Variants in RCN1 observed in about 807,000 individuals in gnomAD.
RCN1 encodes the protein reticulocalbin-1.
A neutral mutation model predicts 34.7 loss-of-function variants in RCN1; 14 were observed. The observed-to-expected ratio is 0.40, with a 90% CI of 0.27 to 0.63. The LOEUF is 0.63. RCN1 is among the 30% of genes least tolerant of loss of function. The probability of loss-of-function intolerance (pLI) is 0.37; values close to 1 mark genes in which losing one functional copy is unlikely to be tolerated. For synonymous variants in RCN1, 125 were observed against 165.5 expected (o/e 0.76, Z 1.88); for missense variants, 326 against 425.1 (o/e 0.77, Z 2.05).
intron 5 of RCN1, among the ~76,000 whole-genome samples, chr11:32,104,160 G>A (rs186698952): frequency 5.3e-5 from 8 of 152,298 alleles, no homozygotes; most frequent in Admixed American, 3.3e-4. Context: ...TCCCTGACAC[G>A]TTAGCACGGT....
At chr11:32,093,530 A>C (rs1165445577) in intron 1 of RCN1, among the ~76,000 whole-genome samples, 1 of 152,130 alleles carries the variant, frequency 6.6e-6, no homozygotes, top group Non-Finnish European at 1.5e-5. Flanking sequence ...TCACCTGATC[A>C]GAGTTTGTAG....
At chr11:32,091,577 C>G (rs955893278) in intron 1 of RCN1, 127 bp downstream of exon 1, 1 of 1,242,822 alleles carries the variant, frequency 8.0e-7, no homozygotes, top group Non-Finnish European at 1.1e-6. Context: ...AGGATGGGGC[C>G]CTGCCCAACT....
At chr11:32,103,868 T>C (rs1852076596) in intron 5 of RCN1, among the ~76,000 whole-genome samples, 1 of 152,252 alleles carries the variant, frequency 6.6e-6, no homozygotes, top group African/African-American at 2.4e-5. Flanking sequence ...GCCCATCCCA[T>C]TAAAGCCCAG....
At chr11:32,092,266 C>T (rs1565349329) in intron 1 of RCN1, among the ~76,000 whole-genome samples, 2 of 152,104 alleles carry the variant, frequency 1.3e-5, no homozygotes, top group African/African-American at 2.4e-5. Context: ...GAGATTGCGC[C>T]ACTGCACTCC....
At chr11:32,099,568 T>C (rs920238943) in intron 3 of RCN1, among the ~76,000 whole-genome samples, 2 of 152,208 alleles carry the variant, frequency 1.3e-5, no homozygotes, top group African/African-American at 4.8e-5. Flanking sequence ...GGCCTCAGAA[T>C]GTAGTTGCTT....
intron 2 of RCN1, among the ~76,000 whole-genome samples, chr11:32,097,598 T>G (rs760811588): frequency 6.6e-6 from 1 of 152,170 alleles, no homozygotes; most frequent in Non-Finnish European, 1.5e-5. Flanking sequence ...CAACTTCGTC[T>G]CAGATGCACA....
chr11:32,091,889 A>G (rs1851925928), intron 1 of RCN1: 1 of 185,486 alleles, frequency 5.4e-6, no homozygotes, highest in African/African-American at 2.4e-5. Flanking sequence ...CTCGCTAAGA[A>G]AATCTCAGGG....
At chr11:32,092,004 A>G (rs368926712) in intron 1 of RCN1, among the ~76,000 whole-genome samples, 3 of 152,178 alleles carry the variant, frequency 2.0e-5, no homozygotes, top group East Asian at 1.9e-4. Flanking sequence ...CTGTAAATCT[A>G]TCGTAAGGAG....
At chr11:32,095,502 G>A (rs1851963458) in intron 1 of RCN1, among the ~76,000 whole-genome samples, 1 of 152,120 alleles carries the variant, frequency 6.6e-6, no homozygotes, top group South Asian at 2.1e-4. Context: ...CAGCTTCCCA[G>A]GTTCACGCCA....
chr11:32,102,827 G>GAA (rs1852061386), intron 4 of RCN1: 2 of 325,522 alleles, frequency 6.1e-6, no homozygotes, highest in Non-Finnish European at 5.9e-6. Flanking sequence ...AAAATCAAAT[G>GAA]AAAACTGTGT....
At position 32,103,461 on chromosome 11, in the gene RCN1, A is replaced by G. The variant is rs757088208; in HGVS notation, c.869A>G (p.Tyr290Cys). The change falls in exon 5 of 6, where the codon TAT becomes TGT. Residue 290 changes from tyrosine to cysteine, a missense_variant. Coordinates refer to ENST00000054950, the MANE Select transcript of RCN1 (RefSeq NM_002901.4). ...HAQAEARHLVYESDKNKDEKL... is the reference protein window; with the variant it reads ...HAQAEARHLVCESDKNKDEKL... ...CAGGCTGAGGCCAGGCATCTGGTATATGAATCAGACAAAAACAAGGTATTT... is the reference window on the plus strand; with the variant it reads ...CAGGCTGAGGCCAGGCATCTGGTATGTGAATCAGACAAAAACAAGGTATTT... The G allele has an allele frequency of 1.2e-6, 2 of 1,613,846 alleles. No homozygotes were observed. The highest frequency in any genetic ancestry group is 2.2e-5 in the East Asian group (1 of 44,888).
rs565186231 is a variant in RCN1, at chr11:32,098,132, A to T, written c.449-218A>T. On this transcript the variant is annotated intron_variant, in intron 2 of 5. Coordinates refer to ENST00000054950, the MANE Select transcript of RCN1 (RefSeq NM_002901.4). The stretch of plus-strand genomic sequence containing the variant: ...AAAGCCTGCGCTCTTAACCACTTGC[A>T]GTAATTCCCCTAATATGCCATGAGG... Among the ~76,000 whole-genome samples the T allele has an allele frequency of 5.9e-5, 9 of 152,354 alleles. No homozygotes were observed. The East Asian group carries it at 1.7e-3, about 29-fold the overall frequency.
intron 4 of RCN1, 49 bp from the exon 5 acceptor site, chr11:32,103,232 G>C (rs1016645504): frequency 6.3e-7 from 1 of 1,578,998 alleles, no homozygotes; most frequent in Admixed American, 1.7e-5. Flanking sequence ...GGTGGGGGAG[G>C]TTTACCTTCC....
At chr11:32,091,526 A>G (rs1851921675) in intron 1 of RCN1, 76 bp downstream of exon 1, 1 of 1,492,506 alleles carries the variant, frequency 6.7e-7, no homozygotes, top group Non-Finnish European at 8.9e-7. Flanking sequence ...CACGCGGGAT[A>G]CCACCGCCAA....
At chr11:32,091,693 C>T (rs1851923717) in intron 1 of RCN1, 1 of 488,772 alleles carries the variant, frequency 2.0e-6, no homozygotes, top group Non-Finnish European at 3.5e-6. Context: ...GAGGCGAGAA[C>T]GTGGCAGCGG....
Position 32,091,176 on chromosome 11 carries a change from G to T in RCN1, c.-21G>T. ...GTCGCTCGCTCAGCGTCTCCCTCTC[G>T]GCCGCCCTCTCCTCGGGACGATGGC... On this transcript the variant is annotated 5_prime_UTR_variant, in exon 1 of 6. Coordinates refer to ENST00000054950, the MANE Select transcript of RCN1 (RefSeq NM_002901.4). 7.1e-7 allele frequency: 1 copy of T among 1,402,466 alleles called. No homozygotes were observed. Among genetic ancestry groups the T allele is most frequent in the Non-Finnish European group, 9.2e-7 (1 of 1,084,838 alleles). 86.9% of individuals were successfully genotyped at this position (1,402,466 alleles called of 1,614,324 possible). A position where few individuals can be genotyped will look rare whatever the true frequency, so the allele number is the denominator to read the frequency against.
At position 32,103,351 on chromosome 11, in the gene RCN1, C is replaced by T. The variant is rs368024472; in HGVS notation, c.759C>T (p.Asn253=). ...TTTTATCAGAACGGGAGCAGTTTAA[C>T]GAATTCCGGGATCTGAACAAGGACG... ...DWVLSEREQF[N]EFRDLNKDGK... is the part of the protein sequence containing the mutation. Residue 253 remains asparagine, a synonymous_variant, in exon 5 of 6, where the codon AAC becomes AAT. Coordinates refer to ENST00000054950, the MANE Select transcript of RCN1 (RefSeq NM_002901.4). 1.4e-5 allele frequency: 23 copies of T among 1,613,518 alleles called. No homozygotes were observed. The highest frequency in any genetic ancestry group is 2.7e-5 in the African/African-American group (2 of 75,020).
intron 5 of RCN1, 99 bp downstream of exon 5, chr11:32,103,579 A>G: frequency 1.9e-6 from 2 of 1,041,612 alleles, no homozygotes; most frequent in South Asian, 1.4e-5. Flanking sequence ...CCATGTGGCC[A>G]TGTCTTTATT....
intron 1 of RCN1, 115 bp downstream of exon 1, chr11:32,091,565 C>A (rs1851922219): frequency 1.5e-6 from 2 of 1,356,704 alleles, no homozygotes; most frequent in South Asian, 1.4e-5. Context: ...CGCGCGGCCT[C>A]GAGGATGGGG....
Sources: allele counts gnomAD v4.1 joint callset (sites outside exome capture counted in the v4.1 genomes callset), GRCh38; gene constraint gnomAD v4.1.1; transcripts MANE v1.5; gene names NCBI Gene and HGNC (gene_info 2026-07-23, HGNC 2026-07-21).